PARVA: variants seen among roughly 807,000 people sequenced by gnomAD.
PARVA encodes alpha-parvin.
A neutral mutation model predicts 52.6 loss-of-function variants in PARVA; 25 were observed. The observed-to-expected ratio is 0.48, with a 90% confidence interval of 0.35 to 0.66. The LOEUF (loss-of-function observed/expected upper bound fraction) is 0.66. Ranked by LOEUF, PARVA falls within the 30% of genes least tolerant of loss-of-function variation. The pLI is 0.01. For synonymous variants in PARVA, 185 were observed against 179.1 expected (o/e 1.03, Z -0.26); for missense variants, 373 against 450.9 (o/e 0.83, Z 1.56).
chr11:12,424,326 T>G (rs1468747457), intron 1 of PARVA, among the ~76,000 whole-genome samples: 2 of 151,692 alleles, frequency 1.3e-5, no homozygotes, highest in Non-Finnish European at 2.9e-5. Flanking sequence ...CCATCTTTCC[T>G]GTATTTATTC....
intron 1 of PARVA, among the ~76,000 whole-genome samples, chr11:12,469,185 TA>T (rs1053166690): frequency 1.9e-4 from 29 of 152,096 alleles, no homozygotes; most frequent in Admixed American, 2.6e-4. Flanking sequence ...CCACAGCTGA[TA>T]AAAATAGAAG....
intron 1 of PARVA, among the ~76,000 whole-genome samples, chr11:12,417,489 C>T (rs1169557729): frequency 6.6e-6 from 1 of 151,900 alleles, no homozygotes; most frequent in Non-Finnish European, 1.5e-5. Flanking sequence ...AAATGTGTAC[C>T]TACAGTATTA....
chr11:12,498,158 C>T (rs1211897536), intron 5 of PARVA, among the ~76,000 whole-genome samples: 3 of 151,930 alleles, frequency 2.0e-5, no homozygotes, highest in African/African-American at 4.8e-5. Context: ...CTCAGCCTCC[C>T]GAGTAGCTGG....
chr11:12,489,317 A>G (rs1370910171), intron 4 of PARVA, among the ~76,000 whole-genome samples: 1 of 152,184 alleles, frequency 6.6e-6, no homozygotes, highest in African/African-American at 2.4e-5. Flanking sequence ...ACAACCAAAT[A>G]GAACTTCTAG....
At position 12,528,414 on chromosome 11, in the gene PARVA, C is replaced by T. The variant is rs1313543588; in HGVS notation, c.*489C>T. ...TAAGGCTTGGAGGTTAAATGACTTG[C>T]CAGAAGTTGGAATTTTTTTCCTCTT... On this transcript the variant is annotated 3_prime_UTR_variant, in exon 13 of 13. Coordinates refer to ENST00000334956, the MANE Select transcript of PARVA (RefSeq NM_018222.5). The T allele has an allele frequency of 6.3e-6, 1 of 157,878 alleles. No homozygotes were observed. The highest frequency in any genetic ancestry group is 1.4e-5 in the Non-Finnish European group (1 of 71,256). The allele number at this position is 157,878 out of a possible 1,614,324, so 9.8% of individuals were successfully genotyped here. A position where few individuals can be genotyped will look rare whatever the true frequency, so the allele number is the denominator to read the frequency against.
chr11:12,455,102 A>T (rs966092712), intron 1 of PARVA, among the ~76,000 whole-genome samples: 5 of 152,052 alleles, frequency 3.3e-5, no homozygotes, highest in Admixed American at 6.6e-5. Context: ...TGTTCCCCTG[A>T]CCCCTGCATT....
intron 11 of PARVA, 106 bp downstream of exon 11, chr11:12,517,817 T>G (rs567228269): frequency 4.0e-6 from 3 of 751,640 alleles, no homozygotes; most frequent in African/African-American, 1.7e-5. Context: ...GCTTCCCCTC[T>G]GCTCAACGTC....
chr11:12,524,944 G>C (rs2114389), intron 12 of PARVA, among the ~76,000 whole-genome samples: 110,812 of 152,216 alleles, frequency 0.73, 40,460 homozygotes, highest in East Asian at 0.85. Flanking sequence ...GCGCCCAGGC[G>C]GGGGTCAGGA....
chr11:12,468,526 C>G (rs754083310), intron 1 of PARVA, among the ~76,000 whole-genome samples: 10 of 152,188 alleles, frequency 6.6e-5, no homozygotes, highest in Non-Finnish European at 1.2e-4. Flanking sequence ...CACCCATTGA[C>G]TTTAGAATCC....
At position 12,455,136 on chromosome 11, in the gene PARVA, T is replaced by G. The variant is rs75432577; in HGVS notation, c.137-18609T>G. Among the ~76,000 whole-genome samples, 238 of 152,306 alleles carry G rather than the reference T, an allele frequency of 1.6e-3. 2 individuals carry two copies. The highest frequency in any genetic ancestry group is 5.3e-3 in the African/African-American group (220 of 41,568). On this transcript the variant is annotated intron_variant, in intron 1 of 12. Coordinates refer to ENST00000334956, the MANE Select transcript of PARVA (RefSeq NM_018222.5). ...TTTCCCAAAAACTGATGGGTAGATA[T>G]AGGACTGATGGTGGTGTGTCTCTTC...
At chr11:12,412,411 C>T (rs889646722) in intron 1 of PARVA, among the ~76,000 whole-genome samples, 3 of 152,136 alleles carry the variant, frequency 2.0e-5, no homozygotes, top group South Asian at 2.1e-4. Context: ...CTTTTAAGGC[C>T]GTTTTCTCCC....
chr11:12,475,107 G>C (rs1589972009), intron 3 of PARVA, among the ~76,000 whole-genome samples: 1 of 152,148 alleles, frequency 6.6e-6, no homozygotes, highest in African/African-American at 2.4e-5. Flanking sequence ...CCTTGCTCTA[G>C]CTGCCTCTTC....
In PARVA at chr11:12,496,549, C is replaced by A; in HGVS notation, c.492C>A (p.Ile164=). The change falls in exon 5 of 13, where the codon ATC becomes ATA. Residue 164 remains isoleucine, a synonymous_variant. Coordinates refer to ENST00000334956, the MANE Select transcript of PARVA (RefSeq NM_018222.5). The part of the protein sequence containing the change: ...KQKLQTVLEK[I]NETLKLPPRS... ...AACTGCAGACTGTCCTGGAGAAGAT[C>A]AATGAAACCCTGAAACTTCCTCCCA... The A allele has an allele frequency of 1.2e-6, 2 of 1,611,762 alleles. No homozygotes were observed. The highest frequency in any genetic ancestry group is 8.5e-7 in the Non-Finnish European group (1 of 1,179,100).
intron 5 of PARVA, among the ~76,000 whole-genome samples, chr11:12,497,210 C>G (rs986420596): frequency 6.6e-6 from 1 of 151,754 alleles, no homozygotes; most frequent in Non-Finnish European, 1.5e-5. Context: ...CTCCAAAGGC[C>G]CGGTGTCTAA....
intron 1 of PARVA, among the ~76,000 whole-genome samples, chr11:12,389,534 A>G (rs1273871110): frequency 6.6e-6 from 1 of 152,198 alleles, no homozygotes; most frequent in Non-Finnish European, 1.5e-5. Flanking sequence ...ATTGCAAGAC[A>G]GTGGGCTGAG....
At chr11:12,477,990 C>A in intron 4 of PARVA, 41 bp downstream of exon 4, 2 of 1,104,100 alleles carry the variant, frequency 1.8e-6, no homozygotes, top group Non-Finnish European at 2.8e-6. Context: ...TGTTTAATTG[C>A]AGGTGGTTGG....
At chr11:12,403,899 G>A (rs547920983) in intron 1 of PARVA, among the ~76,000 whole-genome samples, 12 of 152,274 alleles carry the variant, frequency 7.9e-5, no homozygotes, top group African/African-American at 2.4e-4. Flanking sequence ...AGAGAACTGT[G>A]ATTTTTAACC....
chr11:12,484,704 T>C (rs1941134790), intron 4 of PARVA, among the ~76,000 whole-genome samples: 2 of 151,946 alleles, frequency 1.3e-5, no homozygotes, highest in African/African-American at 2.4e-5. Flanking sequence ...TGCTGTCTTG[T>C]GGAAACTCAC....
chr11:12,394,038 C>G (rs1939701013), intron 1 of PARVA, among the ~76,000 whole-genome samples: 1 of 152,176 alleles, frequency 6.6e-6, no homozygotes, highest in South Asian at 2.1e-4. Flanking sequence ...AGTATTTGCC[C>G]TATGCCAGGC....
Sources: allele counts gnomAD v4.1 joint callset (sites outside exome capture counted in the v4.1 genomes callset), GRCh38; gene constraint gnomAD v4.1.1; transcripts MANE v1.5; gene names NCBI Gene and HGNC (gene_info 2026-07-23, HGNC 2026-07-21).